The following INAVA variants were observed in gnomAD, a reference collection of about 807,000 sequenced individuals.
The protein encoded by INAVA is innate immunity activator.
Under a neutral mutation model 55.3 loss-of-function variants are expected in INAVA, and 32 were observed. The observed-to-expected ratio is 0.58, with a 90% CI of 0.44 to 0.78. INAVA has a LOEUF of 0.78. Ranked by LOEUF, INAVA falls within the 30% of genes least tolerant of loss-of-function variation. The pLI is 0.00. For synonymous variants in INAVA, 294 were observed against 329.4 expected, an observed-to-expected ratio of 0.89 and a Z score of 1.16; for missense variants, 756 against 786.4, an observed-to-expected ratio of 0.96 and a Z score of 0.46.
rs989514346 is a variant in INAVA at position 200,912,029 on chromosome 1, C to T, written c.1536C>T (p.Arg512=). The part of the protein sequence containing the change: ...EELKWWHERA[R]LRSTRPHSLD... ...TCAAGTGGTGGCACGAGCGTGCACG[C>T]CTCCGGAGCACCCGCCCCCACTCAC... The change falls in exon 9 of 10, where the codon CGC becomes CGT. Residue 512 remains arginine (R), a synonymous_variant. Transcript: ENST00000413687. 2.9e-5 allele frequency: 44 copies of T among 1,542,568 alleles called. No individual in the cohort carries two copies. Among genetic ancestry groups the T allele is most frequent in the African/African-American group, 5.5e-5 (4 of 73,040 alleles).
rs181878745 is a variant in INAVA at position 200,898,682 on chromosome 1, T to A, written c.55+227T>A. Among the ~76,000 whole-genome samples the A allele has an allele frequency of 3.2e-3, 483 of 152,278 alleles. 1 individual carries two copies. Among genetic ancestry groups the A allele is most frequent in the Non-Finnish European group, 5.1e-3 (346 of 68,028 alleles). On this transcript the variant is annotated intron_variant, in intron 2 of 9. Coordinates refer to ENST00000413687, the MANE Select transcript of INAVA (RefSeq NM_001142569.3). ...GTTTTCCTCCCTGGAGAAAACTGGC[T>A]TGGAGTTTTGGTTCTATCTGGAAGA... is the stretch of plus-strand genomic sequence containing the variant.
chr1:200,913,523 C>T lies in INAVA; in HGVS notation c.1645-14C>T, dbSNP rs1424741252. 6.2e-7 allele frequency: 1 copy of T among 1,612,414 alleles called. No individual in the cohort carries two copies. Among genetic ancestry groups the T allele is most frequent in the East Asian group, 2.2e-5 (1 of 44,882 alleles). On this transcript the variant is annotated splice_polypyrimidine_tract_variant and intron_variant, in intron 9 of 9. Coordinates refer to ENST00000413687, the MANE Select transcript of INAVA (RefSeq NM_001142569.3). ...TTCATTTACCCACCTGTCCTTTCTT[C>T]CTGACCCTGGCAGGTGCCCACAGTT...
upstream of INAVA, chr1:200,891,715 C>G: frequency 6.9e-7 from 1 of 1,445,118 alleles, no homozygotes; most frequent in Non-Finnish European, 9.1e-7. Context: ...AGCGGGAAAA[C>G]TTCGGGGCAC....
intron 5 of INAVA, chr1:200,903,207 C>T (rs1381404343): frequency 1.3e-5 from 2 of 152,238 alleles, no homozygotes; most frequent in African/African-American, 4.8e-5. Context: ...AAGGGAAGGC[C>T]GGACACTGTG....
intron 6 of INAVA, 72 bp from the exon 7 acceptor site, chr1:200,908,658 T>A: frequency 2.3e-6 from 3 of 1,321,368 alleles, no homozygotes; most frequent in Non-Finnish European, 3.1e-6. Context: ...GCATGGGCTG[T>A]GGTTTGTGGA....
upstream of INAVA, among the ~76,000 whole-genome samples, chr1:200,891,996 G>C (rs1264295689): frequency 6.6e-6 from 1 of 152,224 alleles, no homozygotes; most frequent in Non-Finnish European, 1.5e-5. Context: ...GGGCGCAGTG[G>C]GGGAGGGGAG....
intron 4 of INAVA, among the ~76,000 whole-genome samples, chr1:200,900,579 G>A (rs986742697): frequency 6.6e-6 from 1 of 152,190 alleles, no homozygotes; most frequent in African/African-American, 2.4e-5. Context: ...GGGCAGTCAG[G>A]CCCTGGGTGC....
upstream of INAVA, among the ~76,000 whole-genome samples, chr1:200,892,933 C>T (rs1668264653): frequency 6.6e-6 from 1 of 152,176 alleles, no homozygotes; most frequent in African/African-American, 2.4e-5. Flanking sequence ...CTGTACTAAC[C>T]TCCCCTGAAG....
rs1302171938 is a variant in INAVA at position 200,913,941 on chromosome 1, G to A, written c.*312G>A. ...TTATATAAGACAAGTGGCAGGGGACGAGTGAAGCAGAGTGAGCCACCTTGG... is the reference window on the plus strand; with the variant it reads ...TTATATAAGACAAGTGGCAGGGGACAAGTGAAGCAGAGTGAGCCACCTTGG... On this transcript the variant is annotated 3_prime_UTR_variant, in exon 10 of 10. Transcript: ENST00000413687. The A allele has an allele frequency of 2.6e-5, 8 of 301,962 alleles. No individual in the cohort carries two copies. The highest frequency in any genetic ancestry group is 2.1e-4 in the South Asian group (4 of 18,886). The allele number at this position is 301,962 out of a possible 1,614,324, so 18.7% of individuals were successfully genotyped here. A position where few individuals can be genotyped will look rare whatever the true frequency, so the allele number is the denominator to read the frequency against.
At chr1:200,891,685 A>C, upstream of INAVA, 2 of 1,483,794 alleles carry the variant, frequency 1.3e-6, no homozygotes, top group Non-Finnish European at 1.8e-6. Context: ...GGGCGGCGCC[A>C]GAGCTCCATG....
rs115590570 is a variant in INAVA, at chr1:200,907,704, G to A, written c.521-130G>A. 1,055 of 636,292 alleles carry A rather than the reference G, an allele frequency of 1.7e-3. 8 individuals are homozygous for A. The highest frequency in any genetic ancestry group is 0.016 in the African/African-American group (866 of 55,174). 39.4% of individuals were successfully genotyped at this position (636,292 alleles called of 1,614,324 possible). On this transcript the variant is annotated intron_variant, in intron 5 of 9. Transcript: ENST00000413687. ...TCCCAATGTGTATTTAGCACACAGAGGGTATTTCCTCATAACTGATGCTGT... is the reference window on the plus strand; with the variant it reads ...TCCCAATGTGTATTTAGCACACAGAAGGTATTTCCTCATAACTGATGCTGT...
chr1:200,907,249 A>G (rs1404689814), intron 5 of INAVA, among the ~76,000 whole-genome samples: 3 of 152,162 alleles, frequency 2.0e-5, no homozygotes, highest in Admixed American at 2.0e-4. Flanking sequence ...ACTGAGGTCT[A>G]GAGCATTGAA....
intron 5 of INAVA, among the ~76,000 whole-genome samples, chr1:200,903,969 T>C (rs931150340): frequency 4.6e-5 from 7 of 152,150 alleles, no homozygotes; most frequent in East Asian, 1.9e-4. Flanking sequence ...AGTCAGGTGT[T>C]GAGCTCATTT....
intron 5 of INAVA, 60 bp from the exon 6 acceptor site, chr1:200,907,774 C>G (rs1214827164): frequency 1.4e-6 from 2 of 1,457,526 alleles, no homozygotes; most frequent in Non-Finnish European, 9.6e-7. Context: ...CTGCTGGTTA[C>G]TCATATCTGT....
chr1:200,894,899 C>T, upstream of INAVA: 4 of 985,790 alleles, frequency 4.1e-6, no homozygotes, highest in Non-Finnish European at 4.8e-6. Flanking sequence ...TCCCCTGGCC[C>T]GGCAGCCTGG....
At chr1:200,909,570 C>T (rs1038975887) in intron 8 of INAVA, among the ~76,000 whole-genome samples, 173 bp downstream of exon 8, 8 of 152,250 alleles carry the variant, frequency 5.3e-5, no homozygotes, top group Non-Finnish European at 1.5e-5. Flanking sequence ...CTGCACCCCA[C>T]TAAGCCAAAG....
chr1:200,908,983 A>T, intron 7 of INAVA, 43 bp downstream of exon 7: 1 of 1,574,386 alleles, frequency 6.4e-7, no homozygotes, highest in Non-Finnish European at 8.6e-7. Context: ...CAGGGCAGGG[A>T]GTCGGTGGGA....
chr1:200,910,133 C>T (rs1653655056), intron 8 of INAVA, among the ~76,000 whole-genome samples: 1 of 152,170 alleles, frequency 6.6e-6, no homozygotes, highest in African/African-American at 2.4e-5. Context: ...AAAGCAAAAA[C>T]ACACACAGTA....
chr1:200,903,673 G>A (rs1325625319), intron 5 of INAVA, among the ~76,000 whole-genome samples: 3 of 151,332 alleles, frequency 2.0e-5, no homozygotes, highest in African/African-American at 4.9e-5. Flanking sequence ...GCATGGTGGC[G>A]CATGCCTGTA....
Sources: allele counts gnomAD v4.1 joint callset (sites outside exome capture counted in the v4.1 genomes callset), GRCh38; gene constraint gnomAD v4.1.1; transcripts MANE v1.5; gene names NCBI Gene and HGNC (gene_info 2026-07-23, HGNC 2026-07-21).